The following RAD52 variants were observed in gnomAD, a reference collection of about 807,000 sequenced individuals.
RAD52 encodes DNA repair protein RAD52 homolog.
RAD52 carries 47 observed loss-of-function variants against 55.5 expected under a neutral mutation model. The observed-to-expected ratio is 0.85, with a 90% CI of 0.67 to 1.08. The LOEUF (loss-of-function observed/expected upper bound fraction) is 1.08, where lower values mean the gene tolerates loss of function less well. Among genes scored for constraint, RAD52 ranks in the 50% least tolerant of loss-of-function variants. The pLI is 0.00. For missense variants in RAD52, 468 were observed against 522.8 expected (o/e 0.90, Z 1.02); for synonymous variants, 184 against 198.9 (o/e 0.92, Z 0.63).
intron 1 of RAD52, among the ~76,000 whole-genome samples, chr12:988,554 G>A (rs2154122358): frequency 1.3e-5 from 2 of 152,296 alleles, no homozygotes; most frequent in Middle Eastern, 3.4e-3. Context: ...AAACGGGTTT[G>A]TTTAGCTCAC....
intron 1 of RAD52, among the ~76,000 whole-genome samples, chr12:944,117 G>A (rs1484343958): frequency 6.6e-6 from 1 of 152,154 alleles, no homozygotes; most frequent in Non-Finnish European, 1.5e-5. Flanking sequence ...TCAGGGGGCT[G>A]AGGTGGAAGG....
chr12:946,019 G>A (rs530794114), intron 1 of RAD52, among the ~76,000 whole-genome samples: 4 of 151,810 alleles, frequency 2.6e-5, no homozygotes, highest in South Asian at 2.1e-4. Flanking sequence ...GTGAAACTCC[G>A]TCTCAAAAAA....
chr12:912,847 A>AATTATTTAT lies in RAD52; in HGVS notation c.*535_*543dup. 5.2e-6 allele frequency: 1 copy of AATTATTTAT among 194,030 alleles called. No homozygotes were observed. Among genetic ancestry groups the AATTATTTAT allele is most frequent in the South Asian group, 1.9e-4 (1 of 5,178 alleles). The allele number at this position is 194,030 out of a possible 1,614,324, so 12.0% of individuals were successfully genotyped here. On this transcript the variant is annotated 3_prime_UTR_variant, in exon 12 of 12. Coordinates refer to ENST00000358495, the MANE Select transcript of RAD52 (RefSeq NM_134424.4). ...AGGATTGTAATGTCATAAATCCATA[A>AATTATTTAT]ATTATTTATATTAAATGAAGATTGT... is the stretch of plus-strand genomic sequence containing the variant.
chr12:988,071 G>C (rs79224082), intron 1 of RAD52, among the ~76,000 whole-genome samples: 6,017 of 152,166 alleles, frequency 0.04, 140 homozygotes, highest in Middle Eastern at 0.075. Flanking sequence ...CTCCCAGGAT[G>C]AGGTAATACT....
At chr12:938,760 G>A (rs575145154) in intron 1 of RAD52, among the ~76,000 whole-genome samples, 21 of 152,056 alleles carry the variant, frequency 1.4e-4, no homozygotes, top group Non-Finnish European at 2.6e-4. Flanking sequence ...ATGAAATTTC[G>A]GATCAGGGAT....
At chr12:917,136 C>T (rs1465780639) in intron 7 of RAD52, among the ~76,000 whole-genome samples, 1 of 152,234 alleles carries the variant, frequency 6.6e-6, no homozygotes, top group Non-Finnish European at 1.5e-5. Context: ...AATGAGCACA[C>T]ACAGTCTCTG....
chr12:990,074 TG>T (rs957452697), upstream of RAD52: 9 of 152,088 alleles, frequency 5.9e-5, no homozygotes, highest in Admixed American at 3.9e-4. Flanking sequence ...CCGGGCAGGA[TG>T]AAACAGTAGA....
At chr12:968,187 G>A (rs1958796254) in intron 1 of RAD52, among the ~76,000 whole-genome samples, 1 of 152,090 alleles carries the variant, frequency 6.6e-6, no homozygotes. Context: ...TCAGAACTCT[G>A]GAAATTAACC....
intron 9 of RAD52, 76 bp from the exon 10 acceptor site, chr12:914,608 C>G: frequency 6.4e-7 from 1 of 1,563,420 alleles, no homozygotes; most frequent in Non-Finnish European, 8.7e-7. Context: ...GGGTCCACTC[C>G]CCTCTTGTTA....
chr12:920,676 A>T (rs1956678706), intron 7 of RAD52, among the ~76,000 whole-genome samples: 1 of 152,354 alleles, frequency 6.6e-6, no homozygotes, highest in South Asian at 2.1e-4. Flanking sequence ...TTGTAAGGTG[A>T]AATAAAAGCA....
chr12:966,890 T>C lies in RAD52; in HGVS notation c.-19+22919A>G, dbSNP rs557285527. On this transcript the variant is annotated intron_variant, in intron 1 of 11. Transcript: ENST00000430095. ...CGCGTAGATATTATAACATCTATTT[T>C]ACTGTTGCGTCACAAGGTAAAAAAA... Among the ~76,000 whole-genome samples the C allele has an allele frequency of 3.3e-5, 5 of 152,144 alleles. No individual in the cohort carries two copies. The East Asian group carries it at 7.7e-4, about 23-fold the overall frequency.
intron 5 of RAD52, among the ~76,000 whole-genome samples, chr12:927,795 G>A (rs546451075): frequency 6.6e-6 from 1 of 152,078 alleles, no homozygotes; most frequent in Non-Finnish European, 1.5e-5. Context: ...GAACCTGGGA[G>A]GCAGAGGTTG....
chr12:965,900 G>A (rs915754841), intron 1 of RAD52, among the ~76,000 whole-genome samples: 13 of 152,016 alleles, frequency 8.6e-5, no homozygotes, highest in Non-Finnish European at 1.3e-4. Context: ...TGGCCAGGCT[G>A]ATCTCGAACT....
chr12:972,129 G>A (rs1247994934), intron 1 of RAD52, among the ~76,000 whole-genome samples: 5 of 152,114 alleles, frequency 3.3e-5, no homozygotes, highest in African/African-American at 2.4e-5. Context: ...AATATTGCTT[G>A]TTTATGTATA....
chr12:923,161 T>C (rs886495410), intron 7 of RAD52, among the ~76,000 whole-genome samples: 8 of 151,776 alleles, frequency 5.3e-5, no homozygotes, highest in African/African-American at 1.9e-4. Flanking sequence ...CCTAACCTAA[T>C]TTTTTAAAAA....
Position 930,121 on chromosome 12 carries a change from C to T in RAD52, c.210G>A (p.Arg70=), listed in dbSNP as rs750120558. ...ACATCTCATTGGCCAGATTAATTAC[C>T]CGATGACCCTCAATGTAGCACACCT... ...GQKVCYIEGH[R]VINLANEMFG... Residue 70 remains arginine, a synonymous_variant, in exon 4 of 12, where the codon CGG becomes CGA. Coordinates refer to ENST00000358495, the MANE Select transcript of RAD52 (RefSeq NM_134424.4). 1.2e-6 allele frequency: 2 copies of T among 1,613,878 alleles called. No homozygotes were observed. The highest frequency in any genetic ancestry group is 3.3e-5 in the Admixed American group (2 of 59,996).
chr12:939,675 T>C lies in RAD52; in HGVS notation c.-18-6599A>G, dbSNP rs374773645. ...CTACAAGCTTCTAATTACCCATAAG[T>C]AGAAAAACGTCAATTTCTTGTAGAG... On this transcript the variant is annotated intron_variant, in intron 1 of 11. Transcript: ENST00000358495. Among the ~76,000 whole-genome samples the C allele has an allele frequency of 4.1e-4, 63 of 152,360 alleles. No homozygotes were observed. The South Asian group carries it at 0.013, about 31-fold the overall frequency.
intron 1 of RAD52, among the ~76,000 whole-genome samples, chr12:973,121 G>C (rs997322875): frequency 6.6e-6 from 1 of 152,166 alleles, no homozygotes; most frequent in African/African-American, 2.4e-5. Flanking sequence ...CCAGGCTGGA[G>C]TGCAGTGGCG....
rs555594469 is a variant in RAD52, at chr12:916,188, TTCCTGGGCTCATCTC to T, written c.865+141_865+155del. ...GTACAGCAGATTTAAATATCTGAATTTCCTGGGCTCATCTCTCCTGCGTGTAGCTTGAGAGAAGTC... is the reference window on the plus strand; with the variant it reads ...GTACAGCAGATTTAAATATCTGAATTTCCTGCGTGTAGCTTGAGAGAAGTC... On this transcript the variant is annotated intron_variant, in intron 9 of 11. Transcript: ENST00000358495. 1.8e-3 allele frequency: 2,534 copies of T among 1,406,106 alleles called. 2 individuals carry two copies. Among genetic ancestry groups the T allele is most frequent in the Non-Finnish European group, 2.2e-3 (2,346 of 1,084,926 alleles). 87.1% of individuals were successfully genotyped at this position (1,406,106 alleles called of 1,614,324 possible). A position where few individuals can be genotyped will look rare whatever the true frequency, so the allele number is the denominator to read the frequency against.
Sources: gnomAD v4.1 joint callset for allele counts (sites outside exome capture counted in the v4.1 genomes callset) on GRCh38, gnomAD v4.1.1 for gene constraint, MANE v1.5 for transcripts, NCBI Gene and HGNC (gene_info 2026-07-23, HGNC 2026-07-21) for gene names.